Variants in LENG1 observed in about 807,000 individuals in gnomAD.
The protein encoded by LENG1 is leukocyte receptor cluster (LRC) member 1.
A neutral mutation model predicts 28.8 loss-of-function variants in LENG1; 35 were observed. That is an observed-to-expected ratio of 1.22 (90% CI 0.93 to 1.61). LENG1 has a LOEUF of 1.61. LENG1 is among the 40% of genes most tolerant of loss of function. LENG1 has a pLI of 0.00. For missense variants in LENG1, 404 were observed against 348.9 expected (o/e 1.16, Z -1.26); for synonymous variants, 170 against 140.6 (o/e 1.21, Z -1.48).
Position 54,155,413 on chromosome 19 carries a change from GC to G in LENG1, c.*307del, listed in dbSNP as rs775224425. On this transcript the variant is annotated 3_prime_UTR_variant, in exon 4 of 4. Coordinates refer to ENST00000222224, the MANE Select transcript of LENG1 (RefSeq NM_024316.3). ...AGGACCGGGACCTCCAGTGACACCGGCCCCTCCCTCTACCCACCCCCTTCCC... is the reference window on the plus strand; with the variant it reads ...AGGACCGGGACCTCCAGTGACACCGGCCCTCCCTCTACCCACCCCCTTCCC... 2 of 1,576,250 alleles carry G rather than the reference GC, an allele frequency of 1.3e-6. No individual in the cohort carries two copies. Among genetic ancestry groups the G allele is most frequent in the Non-Finnish European group, 1.7e-6 (2 of 1,154,020 alleles).
intron 1 of LENG1, among the ~76,000 whole-genome samples, chr19:54,159,213 G>A (rs1028789948): frequency 6.6e-6 from 1 of 152,240 alleles, no homozygotes; most frequent in Admixed American, 6.5e-5. Flanking sequence ...TACAGTAGAT[G>A]CTCAATAAAT....
Position 54,155,591 on chromosome 19 carries a change from C to A in LENG1, c.*130G>T, listed in dbSNP as rs992538697. 17 of 1,064,454 alleles carry A rather than the reference C, an allele frequency of 1.6e-5. No individual in the cohort carries two copies. Among genetic ancestry groups the A allele is most frequent in the Non-Finnish European group, 2.2e-5 (16 of 742,806 alleles). The allele number at this position is 1,064,454 out of a possible 1,614,324, so 65.9% of individuals were successfully genotyped here. A position where few individuals can be genotyped will look rare whatever the true frequency, so the allele number is the denominator to read the frequency against. On this transcript the variant is annotated 3_prime_UTR_variant, in exon 4 of 4. Transcript: ENST00000222224. ...CACCCTGGGGGCCCGGGGGCGAGGG[C>A]TGCCCCCTCCTCCCCTCCCCAGTGA... is the stretch of plus-strand genomic sequence containing the variant.
At chr19:54,158,583 G>C (rs75857056) in intron 1 of LENG1, 122 bp from the exon 2 acceptor site, 6 of 919,352 alleles carry the variant, frequency 6.5e-6, no homozygotes, top group African/African-American at 1.7e-5. Flanking sequence ...GGGAGCACTA[G>C]GCGCCTAAAA....
Position 54,158,281 on chromosome 19 carries a change from C to CT in LENG1, c.312dup (p.Glu105ArgfsTer44). 1 of 1,613,132 alleles carries CT rather than the reference C, an allele frequency of 6.2e-7. No homozygotes were observed. The highest frequency in any genetic ancestry group is 8.5e-7 in the Non-Finnish European group (1 of 1,179,192). On this transcript the variant is annotated frameshift_variant and splice_region_variant. Transcript: ENST00000222224. LOFTEE classifies it high-confidence loss of function. Reference sequence around the variant, plus strand: ...TGATGAAGTGGGTGAGGCCAGCTTACTTTCTCCTGTCGCTTTTCTTCCTTG... The same window carrying CT: ...TGATGAAGTGGGTGAGGCCAGCTTACTTTTCTCCTGTCGCTTTTCTTCCTTG...
At chr19:54,158,995 G>A (rs766533114) in intron 1 of LENG1, among the ~76,000 whole-genome samples, 94 of 152,366 alleles carry the variant, frequency 6.2e-4, no homozygotes, top group African/African-American at 2.1e-3. Flanking sequence ...CATACGGAAA[G>A]CCCGTGTTTG....
At chr19:54,157,400 G>A (rs1472350086) in intron 2 of LENG1, among the ~76,000 whole-genome samples, 6 of 152,116 alleles carry the variant, frequency 3.9e-5, no homozygotes, top group African/African-American at 1.2e-4. Flanking sequence ...ATGGAGTCTC[G>A]CTCTGTTGCC....
rs1201124186 is a variant in LENG1, at chr19:54,159,662, G to A, written c.34C>T (p.Arg12Trp). Residue 12 changes from arginine (R) to tryptophan (W), a missense_variant, in exon 1 of 4, where the codon CGG becomes TGG. Arg to Trp is a moderately radical substitution (Grantham distance 101, BLOSUM62 -3). Transcript: ENST00000222224. ...ACGCGGGCGACATTGTCCTTGTTCC[G>A]GACGTGCCAGCTCTTCTTGGGCAAG... ...NILPKKSWHV[R>W]NKDNVARVRR... 6.2e-7 allele frequency: 1 copy of A among 1,613,428 alleles called. No homozygotes were observed. The highest frequency in any genetic ancestry group is 8.5e-7 in the Non-Finnish European group (1 of 1,179,848).
rs759727117 is a variant in LENG1, at chr19:54,155,712, C to T, written c.*9G>A. On this transcript the variant is annotated 3_prime_UTR_variant, in exon 4 of 4. Coordinates refer to ENST00000222224, the MANE Select transcript of LENG1 (RefSeq NM_024316.3). The stretch of plus-strand genomic sequence containing the variant: ...GGCAGCAGCGGCCTCTCCTGTACCC[C>T]CTCAGGAGTCAGTGAGTAAGGTGAG... 26 of 1,605,526 alleles carry T rather than the reference C, an allele frequency of 1.6e-5. No homozygotes were observed. In the African/African-American group the frequency reaches 2.4e-4, roughly 15 times the overall value.
chr19:54,159,452 C>G (rs868476089), intron 1 of LENG1, 112 bp downstream of exon 1: 5 of 1,211,484 alleles, frequency 4.1e-6, no homozygotes, highest in Middle Eastern at 2.9e-4. Context: ...CGCCTGGTCC[C>G]GAATTTCACA....
At chr19:54,155,996 CA>C (rs1377485193) in intron 3 of LENG1, 56 bp from the exon 4 acceptor site, 1 of 1,472,346 alleles carries the variant, frequency 6.8e-7, no homozygotes, top group Non-Finnish European at 9.2e-7. Flanking sequence ...GCCATTCCCC[CA>C]ACCTCTCCCA....
At chr19:54,156,097 G>T (rs2146830098) in intron 3 of LENG1, among the ~76,000 whole-genome samples, 157 bp from the exon 4 acceptor site, 1 of 152,356 alleles carries the variant, frequency 6.6e-6, no homozygotes, top group East Asian at 1.9e-4. Context: ...ACTTGGTGCT[G>T]GGACGCCATG....
intron 3 of LENG1, 58 bp from the exon 4 acceptor site, chr19:54,155,998 A>C: frequency 1.4e-6 from 2 of 1,467,974 alleles, no homozygotes; most frequent in South Asian, 1.2e-5. Flanking sequence ...CATTCCCCCA[A>C]CCTCTCCCAT....
At chr19:54,158,065 G>A (rs983760477) in intron 2 of LENG1, among the ~76,000 whole-genome samples, 1 of 152,204 alleles carries the variant, frequency 6.6e-6, no homozygotes, top group African/African-American at 2.4e-5. Flanking sequence ...AGAACTGAGC[G>A]GTTTGCCCAG....
chr19:54,157,828 G>C (rs1177164265), intron 2 of LENG1, among the ~76,000 whole-genome samples: 1 of 151,784 alleles, frequency 6.6e-6, no homozygotes, highest in Non-Finnish European at 1.5e-5. Context: ...TGGGTCAAGC[G>C]ATTCTCCTGC....
Position 54,156,755 on chromosome 19 carries a change from C to A in LENG1, c.575+8G>T. The A allele has an allele frequency of 6.2e-7, 1 of 1,604,370 alleles. No homozygotes were observed. The highest frequency in any genetic ancestry group is 1.1e-5 in the South Asian group (1 of 90,108). On this transcript the variant is annotated splice_region_variant and intron_variant, in intron 3 of 3. Transcript: ENST00000222224. ...GGGCCCTGGTCTGCCGAGGTGGGGT[C>A]TTCTTACTCCTTGGGTCGCTGCTTC...
chr19:54,155,513 A>C lies in LENG1; in HGVS notation c.*208T>G. On this transcript the variant is annotated 3_prime_UTR_variant, in exon 4 of 4. Transcript: ENST00000222224. The stretch of plus-strand genomic sequence containing the variant: ...GGAGGGAGGCCCCAAGCCACGGGGC[A>C]TCCCCCTCTCCCAGGAAGCAGGGAG... The C allele has an allele frequency of 2.2e-6, 2 of 921,032 alleles. No homozygotes were observed. Among genetic ancestry groups the C allele is most frequent in the Non-Finnish European group, 1.6e-6 (1 of 616,692 alleles). The allele number at this position is 921,032 out of a possible 1,614,324, so 57.1% of individuals were successfully genotyped here.
intron 2 of LENG1, among the ~76,000 whole-genome samples, 171 bp downstream of exon 2, chr19:54,158,109 CTG>C (rs1427787886): frequency 6.6e-6 from 1 of 152,234 alleles, no homozygotes; most frequent in African/African-American, 2.4e-5. Context: ...CCTCCAACCC[CTG>C]TGGGCGCCCA....
At chr19:54,157,813 C>A (rs567231733) in intron 2 of LENG1, among the ~76,000 whole-genome samples, 19 of 152,284 alleles carry the variant, frequency 1.2e-4, no homozygotes, top group Admixed American at 5.2e-4. Flanking sequence ...GCAGCTTCCA[C>A]CTCCTGGGTC....
At chr19:54,157,117 C>G (rs371423577) in intron 2 of LENG1, 92 bp from the exon 3 acceptor site, 1 of 1,080,034 alleles carries the variant, frequency 9.3e-7, no homozygotes, top group African/African-American at 1.6e-5. Flanking sequence ...GAACAGGTAT[C>G]TAAGGCTTGT....
Sources: allele counts gnomAD v4.1 joint callset (sites outside exome capture counted in the v4.1 genomes callset), GRCh38; gene constraint gnomAD v4.1.1; transcripts MANE v1.5; gene names NCBI Gene and HGNC (gene_info 2026-07-23, HGNC 2026-07-21).